The following SYNE2 variants were observed in gnomAD, a reference collection of about 807,000 sequenced individuals.
SYNE2 encodes spectrin repeat containing nuclear envelope protein 2, also known as nesprin-2.
Under a neutral mutation model 856.3 loss-of-function variants are expected in SYNE2, and 431 were observed. The ratio of observed to expected loss-of-function variants is 0.50; its 90% confidence interval spans 0.47 to 0.55. The LOEUF is 0.55. Ranked by LOEUF, SYNE2 falls within the 20% of genes least tolerant of loss-of-function variation. The pLI, the probability that SYNE2 is intolerant of heterozygous loss-of-function variation, is 0.00. For synonymous variants in SYNE2, 2,923 were observed against 2,872.3 expected, an observed-to-expected ratio of 1.02 and a Z score of -0.56; for missense variants, 8,129 against 8,023.2, an observed-to-expected ratio of 1.01 and a Z score of -0.50.
intron 55 of SYNE2, 130 bp from the exon 56 acceptor site, chr14:64,080,326 C>T (rs2097510056): frequency 1.0e-6 from 1 of 956,570 alleles, no homozygotes; most frequent in African/African-American, 1.6e-5. Context: ...AAATTAACAA[C>T]TGTTCATGTG....
chr14:64,225,286 T>TCCACAGGCACAA, intron 115 of SYNE2, 33 bp from the exon 116 acceptor site: 1 of 1,614,042 alleles, frequency 6.2e-7, no homozygotes, highest in Non-Finnish European at 8.5e-7. Context: ...CTGTGGAGCC[T>TCCACAGGCACAA]CCCAATCAGC....
intron 88 of SYNE2, 79 bp downstream of exon 88, chr14:64,162,355 C>CTGTCTGGTCCCCAGGT: frequency 7.1e-7 from 1 of 1,405,050 alleles, no homozygotes; most frequent in Non-Finnish European, 1.0e-6. Context: ...GACCTGGGGA[C>CTGTCTGGTCCCCAGGT]CAGACAGACC....
chr14:63,926,522 A>G (rs1429112123), intron 2 of SYNE2, among the ~76,000 whole-genome samples: 4 of 152,196 alleles, frequency 2.6e-5, no homozygotes, highest in Non-Finnish European at 5.9e-5. Flanking sequence ...CCATTGTAGC[A>G]TGAAAGCACC....
At chr14:63,771,960 C>T (rs987117327) in intron 1 of SYNE2, among the ~76,000 whole-genome samples, 1 of 152,056 alleles carries the variant, frequency 6.6e-6, no homozygotes, top group African/African-American at 2.4e-5. Flanking sequence ...AATGGGTAAA[C>T]CATAGCGGTA....
chr14:64,085,660 G>A (rs1255952), intron 57 of SYNE2, among the ~76,000 whole-genome samples: 139,079 of 152,272 alleles, frequency 0.91, 63,599 homozygotes, highest in Non-Finnish European at 0.94. Context: ...ATTGCTTCAT[G>A]TTTTCAACAG....
At chr14:63,766,726 G>C (rs537014272) in intron 1 of SYNE2, among the ~76,000 whole-genome samples, 2 of 152,272 alleles carry the variant, frequency 1.3e-5, no homozygotes, top group East Asian at 3.9e-4. Flanking sequence ...GGGAAGAAAA[G>C]AAAACCTTGT....
chr14:63,778,321 G>A (rs907212126), intron 1 of SYNE2, among the ~76,000 whole-genome samples: 7 of 152,040 alleles, frequency 4.6e-5, no homozygotes, highest in Admixed American at 4.6e-4. Flanking sequence ...GCAGAACCGT[G>A]AGTCAATTAA....
At chr14:63,791,209 G>A (rs1397196926) in intron 1 of SYNE2, among the ~76,000 whole-genome samples, 1 of 152,098 alleles carries the variant, frequency 6.6e-6, no homozygotes, top group African/African-American at 2.4e-5. Flanking sequence ...TGATCTGCCT[G>A]TCTCGGCCTC....
intron 1 of SYNE2, among the ~76,000 whole-genome samples, chr14:63,866,955 C>T (rs1184732726): frequency 6.6e-6 from 1 of 151,944 alleles, no homozygotes; most frequent in Non-Finnish European, 1.5e-5. Context: ...GACCCTCTCT[C>T]CAACAAAAAA....
chr14:64,224,211 CA>C (rs1174576783), intron 113 of SYNE2, among the ~76,000 whole-genome samples: 1 of 130,962 alleles, frequency 7.6e-6, no homozygotes, highest in Non-Finnish European at 1.5e-5. Context: ...AATACAAAAC[CA>C]GGTGTGGTGG....
intron 83 of SYNE2, among the ~76,000 whole-genome samples, chr14:64,145,029 C>T (rs1320018772): frequency 1.3e-5 from 2 of 150,162 alleles, no homozygotes. Context: ...CAGATTCATG[C>T]AATTCTCCTG....
intron 33 of SYNE2, among the ~76,000 whole-genome samples, chr14:64,017,095 T>A (rs2096897595): frequency 6.6e-6 from 1 of 152,008 alleles, no homozygotes. Context: ...TTTGGGAGGC[T>A]GAGACGGGTG....
chr14:63,947,779 G>A (rs1162571641), intron 6 of SYNE2, among the ~76,000 whole-genome samples: 1 of 152,136 alleles, frequency 6.6e-6, no homozygotes, highest in Admixed American at 6.5e-5. Flanking sequence ...GGAGGTTGCG[G>A]TGAGCCGAGA....
At chr14:64,170,017 G>T (rs2098402999) in intron 93 of SYNE2, among the ~76,000 whole-genome samples, 1 of 152,170 alleles carries the variant, frequency 6.6e-6, no homozygotes, top group Non-Finnish European at 1.5e-5. Context: ...CAGGTTACGT[G>T]CAGATACCTT....
chr14:64,099,074 G>C (rs2097700389), intron 63 of SYNE2: 2 of 461,798 alleles, frequency 4.3e-6, no homozygotes, highest in South Asian at 4.3e-5. Context: ...GAAGTTCTCT[G>C]TAGTATCCTG....
intron 2 of SYNE2, among the ~76,000 whole-genome samples, chr14:63,912,911 C>A (rs2095490186): frequency 1.3e-5 from 2 of 152,142 alleles, no homozygotes; most frequent in Admixed American, 6.5e-5. Flanking sequence ...GAGAAAATAT[C>A]TTTGTAAAGC....
Position 64,003,215 on chromosome 14 carries a change from T to A in SYNE2, c.4282T>A (p.Leu1428Ile). The change falls in exon 30 of 116, where the codon TTA becomes ATA. Residue 1428 changes from leucine to isoleucine, a missense_variant. Physicochemically the swap from Leu to Ile is conservative, Grantham distance 5. Transcript: ENST00000555002. ...VQEEFTEENK[L>I]LEACIFKNNE... ...GGAGGAATTCACTGAGGAAAACAAA[T>A]TACTAGAGGCTTGTATTTTCAAAAA... 2 of 1,613,866 alleles carry A rather than the reference T, an allele frequency of 1.2e-6. No homozygotes were observed. Among genetic ancestry groups the A allele is most frequent in the Middle Eastern group, 1.7e-4 (1 of 6,060 alleles).
At chr14:64,008,218 C>A (rs1260249733) in intron 31 of SYNE2, among the ~76,000 whole-genome samples, 2 of 152,206 alleles carry the variant, frequency 1.3e-5, no homozygotes, top group East Asian at 1.9e-4. Flanking sequence ...TCAAGAGGAC[C>A]CTTATGATTA....
intron 107 of SYNE2, chr14:64,215,824 C>G: frequency 1.5e-6 from 1 of 661,152 alleles, no homozygotes; most frequent in Non-Finnish European, 2.2e-6. Context: ...AATCCTCATC[C>G]TTAGCCCCAT....
Sources: allele counts gnomAD v4.1 joint callset (sites outside exome capture counted in the v4.1 genomes callset), GRCh38; gene constraint gnomAD v4.1.1; transcripts MANE v1.5; gene names NCBI Gene and HGNC (gene_info 2026-07-23, HGNC 2026-07-21).